Variants in PTPRF observed in about 807,000 individuals in gnomAD.
PTPRF encodes the protein protein tyrosine phosphatase receptor type F.
PTPRF carries 59 observed loss-of-function variants against 201.8 expected under a neutral mutation model. That is an observed-to-expected ratio of 0.29 (90% CI 0.24 to 0.36). PTPRF has a LOEUF of 0.36. Among genes scored for constraint, PTPRF ranks in the 10% least tolerant of loss-of-function variants. The pLI, the probability that PTPRF is intolerant of heterozygous loss-of-function variation, is 1.00. For synonymous variants in PTPRF, 1,088 were observed against 1,089.7 expected, an observed-to-expected ratio of 1.00 and a Z score of 0.03; for missense variants, 2,132 against 2,690.5, an observed-to-expected ratio of 0.79 and a Z score of 4.59.
chr1:43,562,894 G>C (rs559295225), intron 5 of PTPRF, among the ~76,000 whole-genome samples: 8 of 152,030 alleles, frequency 5.3e-5, no homozygotes, highest in African/African-American at 1.4e-4. Context: ...AGGTTAGAAA[G>C]AGGCCGGGCA....
At chr1:43,618,558 C>A (rs1450947021) in intron 25 of PTPRF, 72 bp from the exon 26 acceptor site, 2 of 1,537,144 alleles carry the variant, frequency 1.3e-6, no homozygotes, top group South Asian at 1.2e-5. Flanking sequence ...GGGAGTTGAC[C>A]AGCCTCCACC....
intron 9 of PTPRF, 68 bp from the exon 10 acceptor site, chr1:43,591,744 T>G: frequency 6.3e-7 from 1 of 1,587,130 alleles, no homozygotes; most frequent in Non-Finnish European, 8.6e-7. Context: ...CTTCCTCGGC[T>G]CCCTCCTCCC....
chr1:43,595,600 G>A (rs1005673204), intron 11 of PTPRF, among the ~76,000 whole-genome samples: 2 of 152,192 alleles, frequency 1.3e-5, no homozygotes, highest in Admixed American at 6.5e-5. Context: ...AAAAGAAACC[G>A]TGGAAAAGAG....
intron 6 of PTPRF, among the ~76,000 whole-genome samples, chr1:43,575,268 T>A (rs1646847058): frequency 6.6e-6 from 1 of 152,286 alleles, no homozygotes; most frequent in Middle Eastern, 3.4e-3. Flanking sequence ...TGGGCCCTGA[T>A]CTCTGCCTCT....
At chr1:43,526,970 G>A (rs575585515), upstream of PTPRF, among the ~76,000 whole-genome samples, 7 of 152,316 alleles carry the variant, frequency 4.6e-5, no homozygotes, top group South Asian at 2.1e-4. Context: ...ATGGATGATC[G>A]GAGGGAGCTG....
chr1:43,596,519 C>G (rs1336746768), intron 11 of PTPRF, among the ~76,000 whole-genome samples: 1 of 152,114 alleles, frequency 6.6e-6, no homozygotes, highest in Non-Finnish European at 1.5e-5. Flanking sequence ...CTCCTAATTC[C>G]CAAAGAAGCT....
At chr1:43,594,125 C>T (rs1195169777) in intron 11 of PTPRF, among the ~76,000 whole-genome samples, 2 of 152,258 alleles carry the variant, frequency 1.3e-5, no homozygotes, top group East Asian at 3.9e-4. Flanking sequence ...TGGGGCCTGG[C>T]CCCCAGCTGC....
In PTPRF at chr1:43,579,266, G is replaced by A. The variant is rs1410998878; in HGVS notation, c.679+346G>A. On this transcript the variant is annotated intron_variant, in intron 7 of 33. Coordinates refer to ENST00000359947, the MANE Select transcript of PTPRF (RefSeq NM_002840.5). ...TGTGCATGTGTGTGTGCACACACGG[G>A]CACACTTATCTGTGTGTAAATGCAT... 4 of 517,058 alleles carry A rather than the reference G, an allele frequency of 7.7e-6. No individual in the cohort carries two copies. The Admixed American group carries it at 9.1e-5, about 12-fold the overall frequency. 32.0% of individuals were successfully genotyped at this position (517,058 alleles called of 1,614,324 possible). A position where few individuals can be genotyped will look rare whatever the true frequency, so the allele number is the denominator to read the frequency against.
At position 43,620,083 on chromosome 1, in the gene PTPRF, T is replaced by C. The variant is rs368160399; in HGVS notation, c.5112-12T>C. Reference sequence around the variant, plus strand: ...AGCACCTCCAGCATGTCCAGTCTTATGTCCACCCCAGACAGCAGAAGGCCT... The same window carrying C: ...AGCACCTCCAGCATGTCCAGTCTTACGTCCACCCCAGACAGCAGAAGGCCT... On this transcript the variant is annotated splice_polypyrimidine_tract_variant and intron_variant, in intron 29 of 33. Coordinates refer to ENST00000359947, the MANE Select transcript of PTPRF (RefSeq NM_002840.5). 2.5e-6 allele frequency: 4 copies of C among 1,613,884 alleles called. No homozygotes were observed. Among genetic ancestry groups the C allele is most frequent in the African/African-American group, 2.7e-5 (2 of 75,036 alleles).
chr1:43,555,147 C>T (rs778110373), intron 5 of PTPRF, among the ~76,000 whole-genome samples: 8 of 151,986 alleles, frequency 5.3e-5, no homozygotes, highest in Non-Finnish European at 7.4e-5. Flanking sequence ...CCACCGCACC[C>T]GGGCCGATTG....
chr1:43,612,229 G>T (rs1656614228), intron 22 of PTPRF, among the ~76,000 whole-genome samples: 1 of 152,230 alleles, frequency 6.6e-6, no homozygotes, highest in Non-Finnish European at 1.5e-5. Context: ...TGAAGAGAGG[G>T]TGGTGGCCAC....
chr1:43,559,889 C>T (rs1423043840), intron 5 of PTPRF, among the ~76,000 whole-genome samples: 1 of 143,902 alleles, frequency 6.9e-6, no homozygotes, highest in Non-Finnish European at 1.5e-5. Flanking sequence ...ATGTATGTAT[C>T]AGGCTGTGTG....
chr1:43,531,214 T>TGAGGCCGGGCCGCGCCCCC (rs1643445501), intron 1 of PTPRF, 124 bp downstream of exon 1: 1 of 148,308 alleles, frequency 6.7e-6, no homozygotes, highest in Non-Finnish European at 1.5e-5. Context: ...AGGGCGCCGC[T>TGAGGCCGGGCCGCGCCCCC]GAGGCCGGGC....
rs758914545 is a variant in PTPRF at position 43,619,171 on chromosome 1, C to G, written c.4615C>G (p.Leu1539Val). 3.7e-6 allele frequency: 6 copies of G among 1,612,174 alleles called. No individual in the cohort carries two copies. The South Asian group carries it at 5.5e-5, about 15-fold the overall frequency. The change falls in exon 27 of 34, where the codon CTA becomes GTA. Residue 1539 changes from leucine (L) to valine (V), a missense_variant. Physicochemically the swap from Leu to Val is conservative, Grantham distance 32. This residue lies in a region of PTPRF where 519 missense variants were observed against 659.5 expected (regional missense o/e 0.79). Coordinates refer to ENST00000359947, the MANE Select transcript of PTPRF (RefSeq NM_002840.5). ...ACGACGGGTCAAGGCCTGCAACCCC[C>G]TAGACGCAGGGCCCATGGTGGTGCA... Reference protein sequence around the residue: ...FLRRVKACNPLDAGPMVVHCS... With the variant: ...FLRRVKACNPVDAGPMVVHCS...
intron 3 of PTPRF, among the ~76,000 whole-genome samples, chr1:43,547,636 G>A (rs114291101): frequency 0.016 from 2,373 of 152,350 alleles, 71 homozygotes; most frequent in African/African-American, 0.055. Context: ...TGACAGCTGG[G>A]GCAGTGAAGC....
At chr1:43,582,852 G>A (rs1466056993) in intron 7 of PTPRF, among the ~76,000 whole-genome samples, 4 of 152,182 alleles carry the variant, frequency 2.6e-5, no homozygotes, top group African/African-American at 7.2e-5. Flanking sequence ...CCTCAGCCCT[G>A]TCCACCATGT....
At chr1:43,555,880 C>T (rs1645334818) in intron 5 of PTPRF, among the ~76,000 whole-genome samples, 2 of 152,210 alleles carry the variant, frequency 1.3e-5, no homozygotes, top group Non-Finnish European at 2.9e-5. Context: ...CACGTCGTTG[C>T]AGATGGATGT....
intron 11 of PTPRF, among the ~76,000 whole-genome samples, chr1:43,596,650 AG>A (rs1652339546): frequency 6.6e-6 from 1 of 152,140 alleles, no homozygotes; most frequent in South Asian, 2.1e-4. Flanking sequence ...GTTTCCAGGC[AG>A]GCACAGGTGA....
intron 7 of PTPRF, among the ~76,000 whole-genome samples, chr1:43,587,562 G>T (rs1181458637): frequency 6.6e-6 from 1 of 152,174 alleles, no homozygotes; most frequent in Non-Finnish European, 1.5e-5. Context: ...GAGCAGCATA[G>T]TCTGGTGCTT....
Sources: allele counts gnomAD v4.1 joint callset (sites outside exome capture counted in the v4.1 genomes callset), GRCh38; gene constraint gnomAD v4.1.1; regional missense constraint gnomAD v4.1.1; transcripts MANE v1.5; gene names NCBI Gene and HGNC (gene_info 2026-07-23, HGNC 2026-07-21).